Variants in KMT5C observed in about 807,000 individuals in gnomAD.
KMT5C encodes the protein lysine methyltransferase 5C.
In KMT5C, 16 loss-of-function variants were observed where a neutral mutation model predicts 38.2. The ratio of observed to expected loss-of-function variants is 0.42; its 90% CI spans 0.28 to 0.64. KMT5C has a LOEUF of 0.64. Ranked by LOEUF, KMT5C falls within the 30% of genes least tolerant of loss-of-function variation. The pLI is 0.23. For synonymous variants in KMT5C, 291 were observed against 279.0 expected, an observed-to-expected ratio of 1.04 and a Z score of -0.43; for missense variants, 598 against 665.1, an observed-to-expected ratio of 0.90 and a Z score of 1.11.
intron 8 of KMT5C, 78 bp downstream of exon 8, chr19:55,346,765 T>G: frequency 7.7e-7 from 1 of 1,291,816 alleles, no homozygotes; most frequent in Non-Finnish European, 1.0e-6. Context: ...TTCTGAGCTC[T>G]CTGCCTAGCC....
intron 7 of KMT5C, 32 bp from the exon 8 acceptor site, chr19:55,346,468 C>A (rs368928784): frequency 1.3e-6 from 2 of 1,593,684 alleles, no homozygotes; most frequent in East Asian, 2.3e-5. Flanking sequence ...CCCTTCCACC[C>A]GGCCTCATCT....
intron 8 of KMT5C, 30 bp downstream of exon 8, chr19:55,346,717 C>T (rs1278543581): frequency 6.7e-7 from 1 of 1,491,712 alleles, no homozygotes; most frequent in African/African-American, 1.4e-5. Flanking sequence ...ATCCCAGCAG[C>T]CCCTCCCCTG....
Position 55,343,086 on chromosome 19 carries a change from C to T in KMT5C, c.386+235C>T, listed in dbSNP as rs187317374. On this transcript the variant is annotated intron_variant, in intron 4 of 8. Transcript: ENST00000255613. The surrounding 1 kb of genome is among the most constrained non-coding windows in gnomAD (Gnocchi z 5.5). ...GGTTCCTGGGGCTTCCAGGAAAGAA[C>T]TAGGCTTCTGGTCAGGGCCGTGCTG... 2,801 of 518,208 alleles carry T rather than the reference C, an allele frequency of 5.4e-3. 116 individuals are homozygous for T. The Admixed American group carries it at 0.077, about 14-fold the overall frequency. The allele number at this position is 518,208 out of a possible 1,614,324, so 32.1% of individuals were successfully genotyped here. A position where few individuals can be genotyped will look rare whatever the true frequency, so the allele number is the denominator to read the frequency against.
Position 55,347,032 on chromosome 19 carries a change from T to TCAGCCC in KMT5C, c.980_985dup (p.Gln327_Pro328dup), listed in dbSNP as rs1299462385. 4.0e-6 allele frequency: 6 copies of TCAGCCC among 1,509,106 alleles called. No homozygotes were observed. In the African/African-American group the frequency reaches 4.1e-5, roughly 10 times the overall value. 93.5% of individuals were successfully genotyped at this position (1,509,106 alleles called of 1,614,324 possible). On this transcript the variant is annotated inframe_insertion, in exon 9 of 9. Transcript: ENST00000255613. This position sits in a 1 kb window ranked among gnomAD's most constrained non-coding sequence, Gnocchi z 4.6. Reference sequence around the variant, plus strand: ...CACCCCTCTGGCTCCAGTGGCTGCCTCAGCCCCAGCCCCGAGTGCGGCCCC... The same window carrying TCAGCCC: ...CACCCCTCTGGCTCCAGTGGCTGCCTCAGCCCCAGCCCCAGCCCCGAGTGCGGCCCC...
intron 7 of KMT5C, 70 bp from the exon 8 acceptor site, chr19:55,346,430 G>C (rs961425917): frequency 1.2e-5 from 19 of 1,608,472 alleles, no homozygotes; most frequent in Admixed American, 5.1e-5. Flanking sequence ...ACCCATCCCT[G>C]AGTGTGTCCA....
Position 55,341,884 on chromosome 19 carries a change from T to C in KMT5C, c.-53T>C, listed in dbSNP as rs1327889806. The C allele has an allele frequency of 3.4e-6, 5 of 1,464,686 alleles. No homozygotes were observed. The Admixed American group carries it at 8.4e-5, about 25-fold the overall frequency. The allele number at this position is 1,464,686 out of a possible 1,614,324, so 90.7% of individuals were successfully genotyped here. On this transcript the variant is annotated 5_prime_UTR_variant, in exon 2 of 9. Coordinates refer to ENST00000255613, the MANE Select transcript of KMT5C (RefSeq NM_032701.4). Reference sequence around the variant, plus strand: ...CAAGCCAGGCTCCCCGCGCCTGCCTTGCCCTCACCTGCTCCTGCTCTCTGC... The same window carrying C: ...CAAGCCAGGCTCCCCGCGCCTGCCTCGCCCTCACCTGCTCCTGCTCTCTGC...
chr19:55,345,727 A>G (rs1600266364), intron 6 of KMT5C, among the ~76,000 whole-genome samples: 1 of 152,132 alleles, frequency 6.6e-6, no homozygotes, highest in African/African-American at 2.4e-5. Context: ...TGGGTGAATG[A>G]TCCCAAAGGC....
intron 6 of KMT5C, 178 bp downstream of exon 6, chr19:55,344,175 C>A: frequency 1.7e-6 from 1 of 599,744 alleles, no homozygotes; most frequent in Non-Finnish European, 2.9e-6. Flanking sequence ...GAGATGGAGA[C>A]CACGGTGAAA....
chr19:55,347,596 C>A lies in KMT5C; in HGVS notation c.*147C>A. ...GACCCTGGAATGGGGTTGGTTTGGA[C>A]ACCCCCAGGGATCTGAGCCCTGACC... On this transcript the variant is annotated 3_prime_UTR_variant, in exon 9 of 9. Coordinates refer to ENST00000255613, the MANE Select transcript of KMT5C (RefSeq NM_032701.4). The surrounding 1 kb of genome is among the most constrained non-coding windows in gnomAD (Gnocchi z 4.6). The A allele has an allele frequency of 7.6e-7, 1 of 1,319,822 alleles. No individual in the cohort carries two copies. The highest frequency in any genetic ancestry group is 9.9e-7 in the Non-Finnish European group (1 of 1,007,344). The allele number at this position is 1,319,822 out of a possible 1,614,324, so 81.8% of individuals were successfully genotyped here.
rs146949261 is a variant in KMT5C, at chr19:55,345,050, G to C, written c.570+1053G>C. 328 of 456,140 alleles carry C rather than the reference G, an allele frequency of 7.2e-4. 1 individual carries two copies. Among genetic ancestry groups the C allele is most frequent in the Admixed American group, 6.1e-3 (259 of 42,574 alleles). The allele number at this position is 456,140 out of a possible 1,614,324, so 28.3% of individuals were successfully genotyped here. ...GTCTGACACCACACACAGACGCTGG[G>C]GGGGATGGAAACAAAAGGCGGCATT... On this transcript the variant is annotated intron_variant, in intron 6 of 8. Transcript: ENST00000255613.
chr19:55,340,422 C>T (rs2089544170), intron 1 of KMT5C, among the ~76,000 whole-genome samples: 1 of 151,854 alleles, frequency 6.6e-6, no homozygotes, highest in Non-Finnish European at 1.5e-5. Context: ...TCTGGACCCT[C>T]TAGGTCTTTC....
At position 55,347,297 on chromosome 19, in the gene KMT5C, C is replaced by T; in HGVS notation, c.1237C>T (p.Pro413Ser). Residue 413 changes from proline (P) to serine (S), a missense_variant, in exon 9 of 9, where the codon CCA becomes TCA. Around this residue, in one of 3 missense-constraint regions of KMT5C, gnomAD observed 326 missense variants for 298.1 expected, o/e 1.09. Coordinates refer to ENST00000255613, the MANE Select transcript of KMT5C (RefSeq NM_032701.4). This position sits in a 1 kb window ranked among gnomAD's most constrained non-coding sequence, Gnocchi z 4.6. ...GGACCTTCGTCGCCTGGCCCCAGCC[C>T]CACCAGCTACCCCAGCCCCTGCTGG... ...RVDLRRLAPA[P>S]PATPAPAGTP... 2 of 1,568,592 alleles carry T rather than the reference C, an allele frequency of 1.3e-6. No individual in the cohort carries two copies. The highest frequency in any genetic ancestry group is 1.7e-6 in the Non-Finnish European group (2 of 1,160,214).
rs2089576946 is a variant in KMT5C, at chr19:55,342,958, C to T, written c.386+107C>T. On this transcript the variant is annotated intron_variant, in intron 4 of 8. Transcript: ENST00000255613. ...TGGCCAACCGGGGAAAAGCGAGGGG[C>T]CTGGTCCTCCGGGCATCCTAGGAAG... 17 of 733,282 alleles carry T rather than the reference C, an allele frequency of 2.3e-5. No individual in the cohort carries two copies. The South Asian group carries it at 2.4e-4, about 10-fold the overall frequency. 45.4% of individuals were successfully genotyped at this position (733,282 alleles called of 1,614,324 possible).
intron 6 of KMT5C, chr19:55,345,227 A>G: frequency 2.7e-6 from 1 of 367,864 alleles, no homozygotes; most frequent in South Asian, 2.0e-5. Flanking sequence ...AAAGGAAATC[A>G]GGGGCAAAGG....
rs753142247 is a variant in KMT5C at position 55,343,750 on chromosome 19, C to T, written c.457C>T (p.Leu153=). The T allele has an allele frequency of 1.9e-6, 3 of 1,598,758 alleles. No individual in the cohort carries two copies. The Admixed American group carries it at 5.2e-5, about 28-fold the overall frequency. The stretch of plus-strand genomic sequence containing the variant: ...GCTGCGGGAGGCAGATGAGGGGCTG[C>T]TGAGGGCCGGTGAGAATGACTTCAG... ...AELREADEGL[L]RAGENDFSIM... Residue 153 remains leucine (L), a synonymous_variant, in exon 5 of 9, where the codon CTG becomes TTG. Coordinates refer to ENST00000255613, the MANE Select transcript of KMT5C (RefSeq NM_032701.4). The surrounding 1 kb of genome is among the most constrained non-coding windows in gnomAD (Gnocchi z 5.5).
Position 55,342,046 on chromosome 19 carries a change from G to C in KMT5C, c.110G>C (p.Ser37Thr). Reference protein sequence around the residue: ...LGFRTHKMNVSPVPPLRRQQH... With the variant: ...LGFRTHKMNVTPVPPLRRQQH... ...TTCCGCACCCATAAGATGAACGTCA[G>C]GTGAGGTGGCCTGGGGGCGAGGGTG... Residue 37 changes from serine to threonine, a missense_variant and splice_region_variant, in exon 2 of 9, where the codon AGC becomes ACC. This residue lies in a region of KMT5C where 167 missense variants were observed against 187.8 expected (regional missense o/e 0.89). Coordinates refer to ENST00000255613, the MANE Select transcript of KMT5C (RefSeq NM_032701.4). The C allele has an allele frequency of 6.2e-7, 1 of 1,612,230 alleles. No individual in the cohort carries two copies. The highest frequency in any genetic ancestry group is 8.5e-7 in the Non-Finnish European group (1 of 1,178,612).
chr19:55,347,413 C>T lies in KMT5C; in HGVS notation c.1353C>T (p.Gly451=). ...GCCTACGGCTGGTGGTCAGCCACGG[C>T]TCCATCGACCTGGATGTCGGCGGTG... The part of the protein sequence containing the change: ...PKRLRLVVSH[G]SIDLDVGGEE... Residue 451 remains glycine (G), a synonymous_variant, in exon 9 of 9, where the codon GGC becomes GGT. Transcript: ENST00000255613. This position sits in a 1 kb window ranked among gnomAD's most constrained non-coding sequence, Gnocchi z 4.6. 6.4e-7 allele frequency: 1 copy of T among 1,562,356 alleles called. No homozygotes were observed. The highest frequency in any genetic ancestry group is 8.6e-7 in the Non-Finnish European group (1 of 1,161,236).
chr19:55,346,650 C>T lies in KMT5C; in HGVS notation c.858C>T (p.Cys286=), dbSNP rs758207814. ...SRQGLLGPRA[C]VHPSPLRRDP... is the part of the protein sequence containing the mutation. ...AGGGCCTGCTGGGCCCTCGGGCCTG[C>T]GTGCACCCATCCCCGCTGCGCCGGG... The change falls in exon 8 of 9, where the codon TGC becomes TGT. Residue 286 remains cysteine (C), a synonymous_variant. Coordinates refer to ENST00000255613, the MANE Select transcript of KMT5C (RefSeq NM_032701.4). The T allele has an allele frequency of 7.0e-6, 11 of 1,576,278 alleles. No individual in the cohort carries two copies. The highest frequency in any genetic ancestry group is 2.3e-5 in the East Asian group (1 of 42,958).
rs184329439 is a variant in KMT5C, at chr19:55,347,347, G to A, written c.1287G>A (p.Pro429=). The change falls in exon 9 of 9, where the codon CCG becomes CCA. Residue 429 remains proline, a synonymous_variant. Transcript: ENST00000255613. This position sits in a 1 kb window ranked among gnomAD's most constrained non-coding sequence, Gnocchi z 4.6. ...PAGTPGPILI[P]KQALAFAPFS... ...GGACCCCAGGCCCCATCCTGATCCC[G>A]AAGCAGGCCCTCGCCTTCGCCCCCT... 118 of 1,578,836 alleles carry A rather than the reference G, an allele frequency of 7.5e-5. No individual in the cohort carries two copies. The highest frequency in any genetic ancestry group is 1.6e-4 in the African/African-American group (12 of 74,496).
Sources: allele counts gnomAD v4.1 joint callset (sites outside exome capture counted in the v4.1 genomes callset), GRCh38; gene constraint gnomAD v4.1.1; regional missense constraint gnomAD v4.1.1; non-coding constraint Gnocchi (gnomAD v3.1); transcripts MANE v1.5; gene names NCBI Gene and HGNC (gene_info 2026-07-23, HGNC 2026-07-21).